Variants in PIGF observed in about 807,000 individuals in gnomAD.
The protein encoded by PIGF is GPI ethanolamine phosphate transferase, stabilizing subunit.
A neutral mutation model predicts 26.0 loss-of-function variants in PIGF; 23 were observed. That is an observed-to-expected ratio of 0.88 (90% CI 0.64 to 1.25). The LOEUF is 1.25. Among genes scored for constraint, PIGF ranks in the 50% most tolerant of loss-of-function variants. PIGF has a pLI of 0.00. For missense variants in PIGF, 278 were observed against 249.9 expected, an observed-to-expected ratio of 1.11 and a Z score of -0.76; for synonymous variants, 93 against 92.6, an observed-to-expected ratio of 1.00 and a Z score of -0.03.
At chr2:46,611,173 G>A (rs1558711045) in intron 4 of PIGF, among the ~76,000 whole-genome samples, 1 of 152,070 alleles carries the variant, frequency 6.6e-6, no homozygotes, top group South Asian at 2.1e-4. Flanking sequence ...CCCTTGAACA[G>A]ATAAGCTCCT....
intron 5 of PIGF, among the ~76,000 whole-genome samples, chr2:46,583,323 T>C (rs1211229000): frequency 6.6e-6 from 1 of 152,174 alleles, no homozygotes; most frequent in South Asian, 2.1e-4. Flanking sequence ...ATTATAAATA[T>C]GGGAGGTAGA....
intron 4 of PIGF, among the ~76,000 whole-genome samples, chr2:46,595,174 T>C (rs1287546645): frequency 6.6e-6 from 1 of 152,196 alleles, no homozygotes; most frequent in Non-Finnish European, 1.5e-5. Flanking sequence ...TGGTTTTTAG[T>C]ATATTCACAG....
chr2:46,581,149 A>T lies in PIGF; in HGVS notation c.*329T>A. 1 of 1,307,140 alleles carries T rather than the reference A, an allele frequency of 7.7e-7. No homozygotes were observed. Among genetic ancestry groups the T allele is most frequent in the South Asian group, 1.5e-5 (1 of 65,336 alleles). The allele number at this position is 1,307,140 out of a possible 1,614,324, so 81.0% of individuals were successfully genotyped here. A position where few individuals can be genotyped will look rare whatever the true frequency, so the allele number is the denominator to read the frequency against. On this transcript the variant is annotated 3_prime_UTR_variant, in exon 6 of 6. Transcript: ENST00000281382. ...AGAAAGCAAATGAAATGCTACAGCT[A>T]TACCCAGACCTTTTATAGGTAATGA...
chr2:46,593,151 T>TTC (rs397800391), intron 4 of PIGF, among the ~76,000 whole-genome samples: 1 of 151,260 alleles, frequency 6.6e-6, no homozygotes, highest in African/African-American at 2.4e-5. Context: ...TTTTTTTTTT[T>TTC]CAGACGGAGT....
rs1186533956 is a variant in PIGF, at chr2:46,612,312, A to G, written c.353T>C (p.Ile118Thr). 3.4e-6 allele frequency: 5 copies of G among 1,467,062 alleles called. No homozygotes were observed. The highest frequency in any genetic ancestry group is 4.6e-6 in the Non-Finnish European group (5 of 1,097,260). 90.9% of individuals were successfully genotyped at this position (1,467,062 alleles called of 1,614,324 possible). ...AGGCACAGTAGTAAAAGTAGACAAA[A>G]TAACTGCAAATAAAAATGTTTCCAA... is the stretch of plus-strand genomic sequence containing the variant. ...LALETFLFAV[I>T]LSTFTTVPCL... The change falls in exon 4 of 6, where the codon ATT becomes ACT. Residue 118 changes from isoleucine (I) to threonine (T), a missense_variant. Coordinates refer to ENST00000281382, the MANE Select transcript of PIGF (RefSeq NM_002643.4).
chr2:46,613,522 G>C, intron 3 of PIGF, among the ~76,000 whole-genome samples, 172 bp downstream of exon 3: 1 of 152,058 alleles, frequency 6.6e-6, no homozygotes, highest in Non-Finnish European at 1.5e-5. Flanking sequence ...AATAAATTAA[G>C]TTATTCTGCT....
intron 4 of PIGF, among the ~76,000 whole-genome samples, chr2:46,603,640 A>T (rs904785237): frequency 1.3e-5 from 2 of 152,098 alleles, no homozygotes; most frequent in African/African-American, 4.8e-5. Flanking sequence ...GTGGCAGGAA[A>T]ACTGGATATC....
At chr2:46,586,106 T>G (rs1669564849) in intron 5 of PIGF, among the ~76,000 whole-genome samples, 1 of 152,182 alleles carries the variant, frequency 6.6e-6, no homozygotes, top group Admixed American at 6.5e-5. Context: ...ATGCTGTTCT[T>G]CATGTGAAAT....
At chr2:46,604,659 A>T (rs896817726) in intron 4 of PIGF, among the ~76,000 whole-genome samples, 1 of 151,964 alleles carries the variant, frequency 6.6e-6, no homozygotes, top group South Asian at 2.1e-4. Context: ...AGTTAAAAAA[A>T]CAATTGAACT....
chr2:46,581,719 G>C (rs1669385329), intron 5 of PIGF, 128 bp from the exon 6 acceptor site: 17 of 1,311,248 alleles, frequency 1.3e-5, no homozygotes, highest in Non-Finnish European at 1.7e-5. Context: ...AGTGTAATAA[G>C]GTCATAACTG....
At chr2:46,597,781 T>C (rs1372376548) in intron 4 of PIGF, among the ~76,000 whole-genome samples, 1 of 152,232 alleles carries the variant, frequency 6.6e-6, no homozygotes, top group Non-Finnish European at 1.5e-5. Context: ...AGTGCCATTC[T>C]GGTTTCCCGT....
chr2:46,614,247 C>T (rs1320709844), intron 2 of PIGF: 1 of 152,934 alleles, frequency 6.5e-6, no homozygotes, highest in Admixed American at 6.5e-5. Flanking sequence ...CTTGAAATCA[C>T]ACTCATATTA....
intron 4 of PIGF, among the ~76,000 whole-genome samples, chr2:46,596,304 T>C (rs1255191676): frequency 1.3e-5 from 2 of 152,000 alleles, no homozygotes; most frequent in African/African-American, 2.4e-5. Context: ...TGCCTTCACA[T>C]TTTTCACGGT....
intron 3 of PIGF, among the ~76,000 whole-genome samples, chr2:46,612,737 T>G (rs996344110): frequency 6.6e-6 from 1 of 152,142 alleles, no homozygotes; most frequent in Non-Finnish European, 1.5e-5. Flanking sequence ...GAATACTAGT[T>G]GTAGTGGTTC....
intron 4 of PIGF, among the ~76,000 whole-genome samples, chr2:46,602,087 A>G (rs777172942): frequency 4.6e-5 from 7 of 151,990 alleles, no homozygotes; most frequent in Non-Finnish European, 7.4e-5. Flanking sequence ...AAATTAGTAC[A>G]AACTGAGTAT....
At chr2:46,586,623 A>G (rs539090166) in intron 5 of PIGF, among the ~76,000 whole-genome samples, 1 of 152,306 alleles carries the variant, frequency 6.6e-6, no homozygotes, top group South Asian at 2.1e-4. Flanking sequence ...CTCATGAGCT[A>G]CTTTTCAATA....
intron 5 of PIGF, among the ~76,000 whole-genome samples, chr2:46,587,802 C>T (rs1373945599): frequency 6.6e-6 from 1 of 152,068 alleles, no homozygotes. Flanking sequence ...CAGACACCAC[C>T]ACAACGGTCA....
intron 5 of PIGF, among the ~76,000 whole-genome samples, chr2:46,585,927 C>T (rs189318575): frequency 7.9e-5 from 12 of 152,298 alleles, no homozygotes; most frequent in Non-Finnish European, 1.5e-4. Flanking sequence ...GTGCCTGCCA[C>T]CACGTCCAGC....
chr2:46,597,076 T>C (rs934854668), intron 4 of PIGF, among the ~76,000 whole-genome samples: 2 of 152,162 alleles, frequency 1.3e-5, no homozygotes, highest in Non-Finnish European at 2.9e-5. Flanking sequence ...TCCCCGCTCC[T>C]TCCATCTTTT....
Sources: allele counts gnomAD v4.1 joint callset (sites outside exome capture counted in the v4.1 genomes callset), GRCh38; gene constraint gnomAD v4.1.1; transcripts MANE v1.5; gene names NCBI Gene and HGNC (gene_info 2026-07-23, HGNC 2026-07-21).